The following GALNS variants were observed in gnomAD, a reference collection of about 807,000 sequenced individuals.
GALNS encodes the protein N-acetylgalactosamine-6-sulfatase.
Under a neutral mutation model 65.9 loss-of-function variants are expected in GALNS, and 65 were observed. That is an observed-to-expected ratio of 0.99 (90% CI 0.81 to 1.21). The LOEUF (loss-of-function observed/expected upper bound fraction) is 1.21. Ranked by LOEUF, GALNS falls within the 50% of genes most tolerant of loss-of-function variation. GALNS has a pLI of 0.00. For synonymous variants in GALNS, 346 were observed against 288.9 expected, an observed-to-expected ratio of 1.20 and a Z score of -2.00; for missense variants, 776 against 700.7, an observed-to-expected ratio of 1.11 and a Z score of -1.21.
rs769972095 is a variant in GALNS at position 88,818,057 on chromosome 16, C to G, written c.1432G>C (p.Ala478Pro). 2 of 1,581,584 alleles carry G rather than the reference C, an allele frequency of 1.3e-6. No homozygotes were observed. The highest frequency in any genetic ancestry group is 1.3e-5 in the African/African-American group (1 of 74,582). Residue 478 changes from alanine (A) to proline (P), a missense_variant, in exon 13 of 14, where the codon GCC becomes CCC. Ala to Pro is a conservative substitution (Grantham distance 27). Transcript: ENST00000268695. ...ITSVVQQHQEALVPAQPQLNV... is the reference protein window; with the variant it reads ...ITSVVQQHQEPLVPAQPQLNV... ...AGCTGGGGCTGCGCGGGGACCAAGG[C>G]CTCCTGGTGCTGCTGGACGACCGAG...
chr16:88,820,923 C>T (rs961727082), intron 12 of GALNS, among the ~76,000 whole-genome samples: 1 of 152,146 alleles, frequency 6.6e-6, no homozygotes, highest in Non-Finnish European at 1.5e-5. Context: ...CGTGGTCCCC[C>T]TGGGACGGCG....
At chr16:88,835,613 T>C (rs1912037943) in intron 7 of GALNS, 112 bp downstream of exon 7, 2 of 1,532,472 alleles carry the variant, frequency 1.3e-6, no homozygotes, top group Non-Finnish European at 1.8e-6. Flanking sequence ...GTGGGGTTGC[T>C]CTGGCCTTTC....
chr16:88,817,857 CGT>C, intron 13 of GALNS, 148 bp downstream of exon 13: 2 of 758,120 alleles, frequency 2.6e-6, no homozygotes, highest in Middle Eastern at 3.5e-4. Context: ...GACGCCGCCG[CGT>C]GTGCTCTGAG....
chr16:88,836,472 G>A (rs1340483725), intron 5 of GALNS, among the ~76,000 whole-genome samples: 1 of 152,166 alleles, frequency 6.6e-6, no homozygotes, highest in Non-Finnish European at 1.5e-5. Context: ...TGGGCAACAT[G>A]GTGAAACTCT....
intron 3 of GALNS, 112 bp from the exon 4 acceptor site, chr16:88,841,206 C>T (rs926443877): frequency 1.2e-6 from 1 of 834,584 alleles, no homozygotes; most frequent in South Asian, 1.4e-5. Flanking sequence ...GACACTGGCC[C>T]CTCGGGGTCA....
chr16:88,831,891 G>A, intron 9 of GALNS, 107 bp downstream of exon 9: 1 of 920,598 alleles, frequency 1.1e-6, no homozygotes, highest in African/African-American at 1.6e-5. Context: ...GAGCGGTGAG[G>A]ATGAGCACGG....
intron 1 of GALNS, chr16:88,843,305 A>G: frequency 9.6e-6 from 9 of 939,136 alleles, no homozygotes; most frequent in Non-Finnish European, 1.3e-5. Context: ...GTGACCCTGC[A>G]GTTCCACGCT....
At position 88,841,030 on chromosome 16, in the gene GALNS, C is replaced by T. The variant is rs372814039; in HGVS notation, c.384G>A (p.Leu128=). The T allele has an allele frequency of 2.2e-5, 35 of 1,613,318 alleles. No individual in the cohort carries two copies. In the South Asian group the frequency reaches 3.6e-4, roughly 17 times the overall value. ...PDSEQLLPEL[L]KKAGYVSKIV... Reference sequence around the variant, plus strand: ...TCTTGCTGACGTAGCCGGCCTTCTTCAGAAGCTCCGGCAGGAGCTGCTCCG... The same window carrying T: ...TCTTGCTGACGTAGCCGGCCTTCTTTAGAAGCTCCGGCAGGAGCTGCTCCG... Residue 128 remains leucine (L), a synonymous_variant, in exon 4 of 14, where the codon CTG becomes CTA. Transcript: ENST00000268695.
chr16:88,839,234 A>C (rs1056529692), intron 4 of GALNS, among the ~76,000 whole-genome samples: 123 of 143,724 alleles, frequency 8.6e-4, no homozygotes, highest in African/African-American at 3.0e-3. Context: ...CACAGGGGAC[A>C]CTCGTGCGCC....
intron 5 of GALNS, among the ~76,000 whole-genome samples, chr16:88,837,026 G>A (rs1205371117): frequency 2.6e-5 from 4 of 152,268 alleles, no homozygotes; most frequent in Non-Finnish European, 5.9e-5. Flanking sequence ...TATCTAGAAA[G>A]AGGCAGCAAG....
intron 13 of GALNS, chr16:88,816,086 C>T (rs1909592101): frequency 7.1e-6 from 7 of 985,360 alleles, no homozygotes; most frequent in Non-Finnish European, 8.4e-6. Flanking sequence ...ATCTGGGCCC[C>T]TCAGACCCCA....
chr16:88,844,768 C>A (rs1967162902), intron 1 of GALNS: 1 of 152,218 alleles, frequency 6.6e-6, no homozygotes, highest in Non-Finnish European at 1.5e-5. Flanking sequence ...TTTCTGAAAC[C>A]AATCTGAATG....
intron 9 of GALNS, among the ~76,000 whole-genome samples, chr16:88,830,901 G>C (rs1205952793): frequency 6.6e-6 from 1 of 152,218 alleles, no homozygotes; most frequent in Non-Finnish European, 1.5e-5. Context: ...GACCGATTCT[G>C]TAGTAGACAG....
chr16:88,836,360 T>G (rs1912140249), intron 5 of GALNS, 93 bp from the exon 6 acceptor site: 1 of 1,053,602 alleles, frequency 9.5e-7, no homozygotes, highest in African/African-American at 1.6e-5. Context: ...GGGCTTCATT[T>G]AAAAGAAGGC....
At chr16:88,856,243 T>G (rs1352892308) in intron 1 of GALNS, 3 of 702,842 alleles carry the variant, frequency 4.3e-6, no homozygotes, top group Non-Finnish European at 7.8e-6. Flanking sequence ...GAGACAGCCG[T>G]CAGGTAAGAC....
intron 8 of GALNS, among the ~76,000 whole-genome samples, chr16:88,833,478 G>A (rs545299681): frequency 5.3e-4 from 77 of 144,572 alleles, no homozygotes; most frequent in African/African-American, 1.9e-3. Flanking sequence ...TTGACATGGA[G>A]TCTCGCTCTG....
intron 6 of GALNS, 142 bp downstream of exon 6, chr16:88,836,059 G>A (rs1320108049): frequency 2.2e-5 from 23 of 1,068,906 alleles, no homozygotes; most frequent in African/African-American, 3.2e-5. Context: ...CCCACGGGGC[G>A]AGGGTGATGA....
rs559328836 is a variant in GALNS at position 88,853,278 on chromosome 16, C to A, written c.120+3480G>T. Among the ~76,000 whole-genome samples, 757 of 145,942 alleles carry A rather than the reference C, an allele frequency of 5.2e-3. 5 individuals carry two copies. The highest frequency in any genetic ancestry group is 0.014 in the African/African-American group (543 of 39,710). ...AAAAAAAAAAAAAAAAAAAAAAAGG[C>A]CTAAAAGCCCCCAAATGATTGTCCA... On this transcript the variant is annotated intron_variant, in intron 1 of 13. Coordinates refer to ENST00000268695, the MANE Select transcript of GALNS (RefSeq NM_000512.5).
At chr16:88,839,470 G>A (rs1256768266) in intron 4 of GALNS, among the ~76,000 whole-genome samples, 2 of 152,256 alleles carry the variant, frequency 1.3e-5, no homozygotes, top group Non-Finnish European at 2.9e-5. Flanking sequence ...CCTGGAGCAG[G>A]GAGTGTCCGC....
Sources: gnomAD v4.1 joint callset for allele counts (sites outside exome capture counted in the v4.1 genomes callset) on GRCh38, gnomAD v4.1.1 for gene constraint, MANE v1.5 for transcripts, NCBI Gene and HGNC (gene_info 2026-07-23, HGNC 2026-07-21) for gene names.